ESRRG: variants seen among roughly 807,000 people sequenced by gnomAD.
The protein encoded by ESRRG is estrogen related receptor gamma.
In ESRRG, 13 loss-of-function variants were observed where a neutral mutation model predicts 44.0. The observed-to-expected ratio is 0.30, with a 90% CI of 0.19 to 0.47. The LOEUF is 0.47. ESRRG is among the 20% of genes least tolerant of loss of function. ESRRG has a pLI of 1.00. For synonymous variants in ESRRG, 215 were observed against 214.6 expected, an observed-to-expected ratio of 1.00 and a Z score of -0.02; for missense variants, 395 against 580.6, an observed-to-expected ratio of 0.68 and a Z score of 3.29.
At chr1:216,516,296 G>T (rs1020555022) in intron 6 of ESRRG, among the ~76,000 whole-genome samples, 11 of 151,976 alleles carry the variant, frequency 7.2e-5, no homozygotes, top group Non-Finnish European at 1.3e-4. Context: ...ATGACATATT[G>T]TTGTTTTGGC....
At chr1:216,864,479 T>G (rs2096113391) in intron 2 of ESRRG, 1 of 152,038 alleles carries the variant, frequency 6.6e-6, no homozygotes, top group South Asian at 2.1e-4. Flanking sequence ...ATTCAAAGAT[T>G]CCAGTTGTAC....
In ESRRG at chr1:216,583,549, G is replaced by C. The variant is rs145277390; in HGVS notation, c.590-15451C>G. Among the ~76,000 whole-genome samples the C allele has an allele frequency of 2.1e-3, 318 of 152,270 alleles. 1 individual carries two copies. The highest frequency in any genetic ancestry group is 7.3e-3 in the African/African-American group (305 of 41,542). On this transcript the variant is annotated intron_variant, in intron 3 of 6. Coordinates refer to ENST00000408911, the MANE Select transcript of ESRRG (RefSeq NM_001438.4). ...CATGAGGCATCCCCTCCCTCTACAG[G>C]GGCTTCATGGCTGGCCTCTTAGCAT...
intron 1 of ESRRG, among the ~76,000 whole-genome samples, chr1:216,712,108 C>A (rs1001556030): frequency 6.6e-6 from 1 of 152,106 alleles, no homozygotes; most frequent in African/African-American, 2.4e-5. Flanking sequence ...AATGAGAGAA[C>A]TTATCTAAGT....
chr1:216,762,487 T>C (rs2092834727), intron 2 of ESRRG, among the ~76,000 whole-genome samples: 1 of 147,898 alleles, frequency 6.8e-6, no homozygotes, highest in Non-Finnish European at 1.5e-5. Flanking sequence ...TTCTCACTCA[T>C]AGGTGGGAAT....
chr1:216,695,112 T>C (rs939635160), intron 1 of ESRRG, among the ~76,000 whole-genome samples: 3 of 152,248 alleles, frequency 2.0e-5, no homozygotes, highest in African/African-American at 7.2e-5. Context: ...ATGGGAATCA[T>C]CGGAGGAGGT....
At chr1:217,077,207 C>G (rs2091382734) in intron 1 of ESRRG, among the ~76,000 whole-genome samples, 1 of 152,182 alleles carries the variant, frequency 6.6e-6, no homozygotes, top group Admixed American at 6.5e-5. Context: ...TGGAATGCAG[C>G]TCTGCTGTGG....
intron 1 of ESRRG, among the ~76,000 whole-genome samples, chr1:216,950,750 A>AAAG (rs1160360788): frequency 6.6e-6 from 1 of 152,194 alleles, no homozygotes; most frequent in Non-Finnish European, 1.5e-5. Context: ...ACAATTATTG[A>AAAG]AGATGTTCAA....
rs558353013 is a variant in ESRRG, at chr1:216,927,263, G to A, written c.-14+12319C>T. Among the ~76,000 whole-genome samples, 10 of 152,252 alleles carry A rather than the reference G, an allele frequency of 6.6e-5. 1 individual carries two copies. The highest frequency in any genetic ancestry group is 1.9e-4 in the East Asian group (1 of 5,158). The stretch of plus-strand genomic sequence containing the variant: ...AAATGGCAAGAGCCTATGGGAATGC[G>A]GTGCCTGGGGCAATGTTCCTTTTTG... On this transcript the variant is annotated intron_variant, in intron 2 of 7. Transcript: ENST00000359162.
At chr1:216,733,391 G>T (rs1196871984) in intron 2 of ESRRG, among the ~76,000 whole-genome samples, 1 of 152,040 alleles carries the variant, frequency 6.6e-6, no homozygotes, top group Non-Finnish European at 1.5e-5. Context: ...GCTTTAAAGG[G>T]CTGTTTTTGT....
chr1:216,940,150 A>G (rs2064983590), intron 1 of ESRRG, among the ~76,000 whole-genome samples: 1 of 152,212 alleles, frequency 6.6e-6, no homozygotes, highest in Non-Finnish European at 1.5e-5. Flanking sequence ...TGATCTTCAG[A>G]AAAAAACACA....
intron 1 of ESRRG, among the ~76,000 whole-genome samples, chr1:216,995,081 C>T (rs983370075): frequency 5.3e-5 from 8 of 152,154 alleles, no homozygotes; most frequent in African/African-American, 7.2e-5. Context: ...AGATCAAAGA[C>T]GACTGAGATG....
chr1:216,663,880 A>G (rs990409260), intron 2 of ESRRG, among the ~76,000 whole-genome samples: 2 of 152,136 alleles, frequency 1.3e-5, no homozygotes, highest in African/African-American at 4.8e-5. Context: ...TTGGGTGGAG[A>G]AAGGAATGTC....
At chr1:217,119,350 A>G (rs2092787549) in intron 1 of ESRRG, among the ~76,000 whole-genome samples, 1 of 152,318 alleles carries the variant, frequency 6.6e-6, no homozygotes, top group South Asian at 2.1e-4. Flanking sequence ...TTCTGACTCC[A>G]AGAAACAGTG....
chr1:216,787,428 C>T (rs763722888), intron 2 of ESRRG, among the ~76,000 whole-genome samples: 1 of 151,800 alleles, frequency 6.6e-6, no homozygotes, highest in Non-Finnish European at 1.5e-5. Context: ...CATGGTGAAA[C>T]CCCATCTCTA....
intron 3 of ESRRG, among the ~76,000 whole-genome samples, chr1:216,590,797 CAATT>C (rs1186484736): frequency 6.6e-6 from 1 of 152,166 alleles, no homozygotes; most frequent in East Asian, 1.9e-4. Context: ...GACAGTATCT[CAATT>C]AGACTCCAAT....
At chr1:216,748,550 C>T (rs1204997743) in intron 2 of ESRRG, among the ~76,000 whole-genome samples, 1 of 152,146 alleles carries the variant, frequency 6.6e-6, no homozygotes, top group African/African-American at 2.4e-5. Context: ...CAAATTTCTT[C>T]TGCAACTTGC....
chr1:216,746,789 C>A (rs2091451950), intron 2 of ESRRG, among the ~76,000 whole-genome samples: 1 of 152,156 alleles, frequency 6.6e-6, no homozygotes, highest in African/African-American at 2.4e-5. Flanking sequence ...AAAGACTGGT[C>A]CCTTTTTCCA....
rs1259661285 is a variant in ESRRG, at chr1:216,908,538, T to TCA, written c.-14+31042_-14+31043dup. On this transcript the variant is annotated intron_variant, in intron 2 of 7. Transcript: ENST00000359162. Reference sequence around the variant, plus strand: ...TTGCAGGACCATAATATAGGTATTGTCACACACACACCAATTTCAGCTTGC... The same window carrying TCA: ...TTGCAGGACCATAATATAGGTATTGTCACACACACACACCAATTTCAGCTTGC... 7.0e-4 allele frequency among the ~76,000 whole-genome samples: 106 copies of TCA among 152,270 alleles called. 1 individual carries two copies. Among genetic ancestry groups the TCA allele is most frequent in the Admixed American group, 6.9e-3 (105 of 15,294 alleles).
intron 2 of ESRRG, among the ~76,000 whole-genome samples, chr1:216,743,749 A>C (rs895535866): frequency 6.6e-6 from 1 of 152,144 alleles, no homozygotes; most frequent in Non-Finnish European, 1.5e-5. Context: ...CAGTGCTGCT[A>C]AGTATCACAG....
Sources: allele counts gnomAD v4.1 joint callset (sites outside exome capture counted in the v4.1 genomes callset), GRCh38; gene constraint gnomAD v4.1.1; transcripts MANE v1.5; gene names NCBI Gene and HGNC (gene_info 2026-07-23, HGNC 2026-07-21).